COL2A1: variants seen among roughly 807,000 people sequenced by gnomAD.
The protein encoded by COL2A1 is collagen type II alpha 1 chain, also known as collagen alpha-1(II) chain.
Under a neutral mutation model 204.5 loss-of-function variants are expected in COL2A1, and 28 were observed. The ratio of observed to expected loss-of-function variants is 0.14; its 90% CI spans 0.10 to 0.19. COL2A1 has a LOEUF of 0.19. COL2A1 is among the 10% of genes least tolerant of loss of function. COL2A1 has a pLI of 1.00. For synonymous variants in COL2A1, 708 were observed against 718.7 expected (o/e 0.99, Z 0.24); for missense variants, 1,388 against 2,027.5 (o/e 0.68, Z 6.06).
chr12:47,986,430 G>A lies in COL2A1; in HGVS notation c.1433C>T (p.Pro478Leu), dbSNP rs201823490. 787 of 1,556,460 alleles carry A rather than the reference G, an allele frequency of 5.1e-4. 5 individuals are homozygous for A. In the African/African-American group the frequency reaches 9.7e-3, roughly 19 times the overall value. ...GPKGEPGPAG[P>L]QGAPGPAGEE... is the part of the protein sequence containing the mutation. ...ACCAGCGGGTCCAGGGGCTCCCTGGGGGCCAGCAGGGCCCTGAGGACCAGC... is the reference window on the plus strand; with the variant it reads ...ACCAGCGGGTCCAGGGGCTCCCTGGAGGCCAGCAGGGCCCTGAGGACCAGC... Residue 478 changes from proline to leucine, a missense_variant, in exon 23 of 54, where the codon CCC becomes CTC. Around this residue, in one of 3 missense-constraint regions of COL2A1, gnomAD observed 884 missense variants for 1,415.8 expected, o/e 0.62. Coordinates refer to ENST00000380518, the MANE Select transcript of COL2A1 (RefSeq NM_001844.5).
At chr12:47,979,914 C>T (rs1938946921) in intron 40 of COL2A1, 95 bp downstream of exon 40, 2 of 1,125,674 alleles carry the variant, frequency 1.8e-6, no homozygotes, top group South Asian at 1.5e-5. Flanking sequence ...GCTGGGAAAA[C>T]AGTCGGGGGC....
chr12:47,992,792 G>C (rs1036486322), intron 16 of COL2A1, 86 bp downstream of exon 16: 25 of 1,390,502 alleles, frequency 1.8e-5, no homozygotes, highest in Non-Finnish European at 4.1e-6. Flanking sequence ...ATGCCTCACA[G>C]GGTTGTTTCG....
intron 51 of COL2A1, 88 bp from the exon 52 acceptor site, chr12:47,974,950 G>A (rs1382811293): frequency 7.3e-7 from 1 of 1,370,796 alleles, no homozygotes; most frequent in Non-Finnish European, 1.0e-6. Flanking sequence ...GAAAGAGACA[G>A]AGAGGCCTAC....
chr12:47,983,561 G>A, intron 30 of COL2A1, 122 bp downstream of exon 30: 1 of 1,436,636 alleles, frequency 7.0e-7, no homozygotes. Context: ...GGGGTGCAGG[G>A]AAGGCTCGAT....
At chr12:47,991,087 A>G (rs1939678653) in intron 16 of COL2A1, among the ~76,000 whole-genome samples, 1 of 152,248 alleles carries the variant, frequency 6.6e-6, no homozygotes. Context: ...AAACTTAGAA[A>G]AAATGTCAGC....
rs756687549 is a variant in COL2A1, at chr12:47,975,619, CAGAG to C, written c.3598-18_3598-15del. 1 of 1,598,088 alleles carries C rather than the reference CAGAG, an allele frequency of 6.3e-7. No homozygotes were observed. Among genetic ancestry groups the C allele is most frequent in the Admixed American group, 1.7e-5 (1 of 59,852 alleles). ...TCCAGGAGGACCCTGCAGCAGGAAA[CAGAG>C]AGATCAGCCAGGATTGTGTGAAAGT... On this transcript the variant is annotated splice_polypyrimidine_tract_variant and intron_variant, in intron 50 of 53. Transcript: ENST00000380518.
chr12:47,997,777 C>A, intron 6 of COL2A1, 70 bp from the exon 7 acceptor site: 1 of 1,611,682 alleles, frequency 6.2e-7, no homozygotes, highest in South Asian at 1.1e-5. Flanking sequence ...CCCTTGGCTG[C>A]TCTTTAAGAG....
chr12:47,998,444 A>C lies in COL2A1; in HGVS notation c.293-13T>G. ...GGTCCTGGTTGCCCTGCAAGGGAAA[A>C]AATATAGAGAAGAAGAAGGTAAGAA... On this transcript the variant is annotated splice_polypyrimidine_tract_variant and intron_variant, in intron 2 of 53. Coordinates refer to ENST00000380518, the MANE Select transcript of COL2A1 (RefSeq NM_001844.5). 1 of 1,610,504 alleles carries C rather than the reference A, an allele frequency of 6.2e-7. No homozygotes were observed. The highest frequency in any genetic ancestry group is 1.1e-5 in the South Asian group (1 of 90,634).
chr12:47,982,223 T>G, intron 34 of COL2A1, 63 bp from the exon 35 acceptor site: 1 of 1,457,978 alleles, frequency 6.9e-7, no homozygotes, highest in Non-Finnish European at 9.6e-7. Context: ...GTTTGCTCAG[T>G]CCCACCCAGG....
intron 3 of COL2A1, 45 bp downstream of exon 3, chr12:47,998,370 T>C: frequency 1.3e-6 from 2 of 1,563,936 alleles, no homozygotes; most frequent in South Asian, 1.1e-5. Context: ...GCAGAAAATA[T>C]AAAGCCAAAA....
intron 40 of COL2A1, among the ~76,000 whole-genome samples, chr12:47,979,784 A>G (rs1292222964): frequency 6.6e-6 from 1 of 152,182 alleles, no homozygotes; most frequent in African/African-American, 2.4e-5. Context: ...TCAGCACTTC[A>G]GGGAGCTGAA....
Position 47,997,911 on chromosome 12 carries a change from T to A in COL2A1, c.389A>T (p.Glu130Val), listed in dbSNP as rs1940038748. Residue 130 changes from glutamate (E) to valine (V), a missense_variant, in exon 6 of 54, where the codon GAA (glutamate) becomes GTA (valine). This residue lies in a region of COL2A1 where 201 missense variants were observed against 242.4 expected (regional missense o/e 0.83). Transcript: ENST00000380518. ...GPPGPQGPAG[E>V]QGPRGDRGDK... ...ACCACGATCCCCTCTGGGTCCTTGTTCCCCTGCAGGTCCCTGAAGGTGAAG... is the reference window on the plus strand; with the variant it reads ...ACCACGATCCCCTCTGGGTCCTTGTACCCCTGCAGGTCCCTGAAGGTGAAG... The A allele has an allele frequency of 1.2e-6, 2 of 1,614,098 alleles. No individual in the cohort carries two copies. The highest frequency in any genetic ancestry group is 1.7e-6 in the Non-Finnish European group (2 of 1,180,028).
At chr12:47,995,624 A>C (rs1016831547) in intron 10 of COL2A1, 86 bp downstream of exon 10, 4 of 1,331,162 alleles carry the variant, frequency 3.0e-6, no homozygotes, top group Admixed American at 1.7e-5. Flanking sequence ...AGCTGGGCAG[A>C]GCCTGGGAGG....
Position 47,992,927 on chromosome 12 carries a change from G to A in COL2A1, c.974C>T (p.Pro325Leu). The A allele has an allele frequency of 1.2e-6, 2 of 1,614,174 alleles. No individual in the cohort carries two copies. The highest frequency in any genetic ancestry group is 1.7e-6 in the Non-Finnish European group (2 of 1,180,010). The change falls in exon 16 of 54, where the codon CCT (proline) becomes CTT (leucine). Residue 325 changes from proline (P) to leucine (L), a missense_variant. Pro to Leu is a moderately conservative substitution (Grantham distance 98). Around this residue, in one of 3 missense-constraint regions of COL2A1, gnomAD observed 884 missense variants for 1,415.8 expected, o/e 0.62. Transcript: ENST00000380518. ...TCCTCTTTCACCAGGCAGGCCACGA[G>A]GACCCTGGAACACACACCAGGACAG... is the stretch of plus-strand genomic sequence containing the variant. ...GENGSPGPMG[P>L]RGLPGERGRT... is the part of the protein sequence containing the mutation.
intron 18 of COL2A1, among the ~76,000 whole-genome samples, chr12:47,988,003 C>T (rs1565685151): frequency 6.6e-6 from 1 of 152,192 alleles, no homozygotes; most frequent in Non-Finnish European, 1.5e-5. Context: ...CAATGGGCAA[C>T]CTGCTGTTCC....
intron 1 of COL2A1, among the ~76,000 whole-genome samples, chr12:48,001,619 C>T (rs1359017053): frequency 1.3e-5 from 2 of 152,144 alleles, no homozygotes; most frequent in African/African-American, 4.8e-5. Context: ...AAGGGCGGCC[C>T]GGGAAGCGCC....
chr12:47,985,493 A>AT lies in COL2A1; in HGVS notation c.1734+40dup, dbSNP rs769872466. On this transcript the variant is annotated intron_variant, in intron 26 of 53. Transcript: ENST00000380518. ...TCTTTTCCCTTGCTTCCCCAGGGAG[A>AT]TCCCCCCACCCTCCTAGCAGCCCTC... The AT allele has an allele frequency of 1.3e-5, 21 of 1,599,280 alleles. No individual in the cohort carries two copies. In the African/African-American group the frequency reaches 2.8e-4, roughly 21 times the overall value.
rs369451393 is a variant in COL2A1, at chr12:47,976,056, G to A, written c.3504C>T (p.Pro1168=). ...CACCATCTTTGCCAGAGGGACCGAC[G>A]GGGCCAGGAGGACCCTGCAAGAGAG... ...GPSGPRGPPG[P]VGPSGKDGAN... The change falls in exon 50 of 54, where the codon CCC becomes CCT. Residue 1168 remains proline, a synonymous_variant. Transcript: ENST00000380518. The surrounding 1 kb of genome is among the most constrained non-coding windows in gnomAD (Gnocchi z 4.3). The A allele has an allele frequency of 1.5e-5, 24 of 1,612,174 alleles. No homozygotes were observed. Among genetic ancestry groups the A allele is most frequent in the South Asian group, 1.1e-4 (10 of 91,042 alleles).
In COL2A1 at chr12:48,000,452, G is replaced by A. The variant is rs79548534; in HGVS notation, c.86-327C>T. On this transcript the variant is annotated intron_variant, in intron 1 of 53. Transcript: ENST00000380518. ...ACGGGGGAGACCAGGTGATGGAGTG[G>A]GTGGAGGGAGTTGGAGGGTGAGCGG... Among the ~76,000 whole-genome samples, 289 of 152,252 alleles carry A rather than the reference G, an allele frequency of 1.9e-3. 6 individuals carry two copies. The East Asian group carries it at 0.019, about 10-fold the overall frequency.
Sources: gnomAD v4.1 joint callset for allele counts (sites outside exome capture counted in the v4.1 genomes callset) on GRCh38, gnomAD v4.1.1 for gene constraint, gnomAD v4.1.1 regional missense constraint, Gnocchi (gnomAD v3.1) non-coding constraint, MANE v1.5 for transcripts, NCBI Gene and HGNC (gene_info 2026-07-23, HGNC 2026-07-21) for gene names.